The following RGS19 variants were observed in gnomAD, a reference collection of about 807,000 sequenced individuals.
RGS19 encodes the protein regulator of G protein signaling 19, also known as G alpha interacting protein.
In RGS19, 9 loss-of-function variants were observed where a neutral mutation model predicts 22.0. That is an observed-to-expected ratio of 0.41 (90% CI 0.25 to 0.71). The LOEUF (loss-of-function observed/expected upper bound fraction) is 0.71. Ranked by LOEUF, RGS19 falls within the 30% of genes least tolerant of loss-of-function variation. RGS19 has a pLI of 0.32. For missense variants in RGS19, 256 were observed against 307.1 expected (o/e 0.83, Z 1.24); for synonymous variants, 130 against 127.3 (o/e 1.02, Z -0.14).
chr20:64,073,725 G>A lies in RGS19; in HGVS notation c.*128C>T, dbSNP rs2059875063. 1.2e-6 allele frequency: 1 copy of A among 803,156 alleles called. No homozygotes were observed. The highest frequency in any genetic ancestry group is 1.8e-5 in the South Asian group (1 of 56,730). The allele number at this position is 803,156 out of a possible 1,614,324, so 49.8% of individuals were successfully genotyped here. ...ACACAGCACTCCCCACTGGGTCTAGGACCGTCTCCGCGGGTGGGGACCCCA... is the reference window on the plus strand; with the variant it reads ...ACACAGCACTCCCCACTGGGTCTAGAACCGTCTCCGCGGGTGGGGACCCCA... On this transcript the variant is annotated 3_prime_UTR_variant, in exon 6 of 6. Transcript: ENST00000395042.
Position 64,076,030 on chromosome 20 carries a change from C to T in RGS19, c.152+495G>A, listed in dbSNP as rs138400836. ...CCGAGTAGCTGGGATTACAGGCATG[C>T]GCCACCACGCCTGGCTAATTTTGTA... On this transcript the variant is annotated intron_variant, in intron 3 of 5. Transcript: ENST00000395042. Among the ~76,000 whole-genome samples, 890 of 152,264 alleles carry T rather than the reference C, an allele frequency of 5.8e-3. 25 individuals carry two copies. The East Asian group carries it at 0.06, about 10-fold the overall frequency.
upstream of RGS19, chr20:64,079,938 C>A (rs1441693165): frequency 4.1e-5 from 6 of 147,880 alleles, no homozygotes; most frequent in Admixed American, 2.7e-4. This position sits in a 1 kb window ranked among gnomAD's most constrained non-coding sequence, Gnocchi z 5.1. Flanking sequence ...GCCCGACAGT[C>A]GGGGAGGGGG....
At chr20:64,074,441 C>T (rs372740549) in intron 4 of RGS19, 26 bp downstream of exon 4, 27 of 1,577,958 alleles carry the variant, frequency 1.7e-5, no homozygotes, top group Admixed American at 1.3e-4. Context: ...CCCCCCAGCA[C>T]GCACACACCA....
chr20:64,076,522 C>T lies in RGS19; in HGVS notation c.152+3G>A, dbSNP rs776547344. On this transcript the variant is annotated splice_donor_region_variant and intron_variant, in intron 3 of 5. Coordinates refer to ENST00000395042, the MANE Select transcript of RGS19 (RefSeq NM_005873.3). ...CCAGCTGGGCACCCCAGGCCCTACTCACCAGGAGCAGCTACAGCAGCAGCA... is the reference window on the plus strand; with the variant it reads ...CCAGCTGGGCACCCCAGGCCCTACTTACCAGGAGCAGCTACAGCAGCAGCA... The T allele has an allele frequency of 6.2e-7, 1 of 1,612,862 alleles. No individual in the cohort carries two copies. Among genetic ancestry groups the T allele is most frequent in the Non-Finnish European group, 8.5e-7 (1 of 1,179,898 alleles).
Position 64,079,457 on chromosome 20 carries a change from G to A in RGS19, c.-232C>T, listed in dbSNP as rs1288368615. 2 of 151,754 alleles carry A rather than the reference G, an allele frequency of 1.3e-5. No individual in the cohort carries two copies. Among genetic ancestry groups the A allele is most frequent in the South Asian group, 2.1e-4 (1 of 4,818 alleles). The allele number at this position is 151,754 out of a possible 1,614,324, so 9.4% of individuals were successfully genotyped here. On this transcript the variant is annotated 5_prime_UTR_variant, in exon 1 of 6. Transcript: ENST00000395042. The surrounding 1 kb of genome is among the most constrained non-coding windows in gnomAD (Gnocchi z 5.1). ...AGGCTAGCGCCAGGAGCCCCCGATC[G>A]GCTGGGGCCGGGGGCGCAGCGCCTC...
intron 3 of RGS19, 148 bp downstream of exon 3, chr20:64,076,377 C>A (rs967611122): frequency 1.1e-4 from 145 of 1,263,146 alleles, no homozygotes; most frequent in Non-Finnish European, 1.5e-4. Flanking sequence ...CAGGGCCCAA[C>A]AGACCCTGGA....
Position 64,075,466 on chromosome 20 carries a change from C to T in RGS19, c.153-925G>A, listed in dbSNP as rs987433907. 4.6e-5 allele frequency among the ~76,000 whole-genome samples: 7 copies of T among 152,222 alleles called. No homozygotes were observed. The highest frequency in any genetic ancestry group is 9.6e-5 in the African/African-American group (4 of 41,464). On this transcript the variant is annotated intron_variant, in intron 3 of 5. Transcript: ENST00000395042. This position sits in a 1 kb window ranked among gnomAD's most constrained non-coding sequence, Gnocchi z 4.6. ...GGCTGGCAGACATCGTGCACCCAAA[C>T]GTCCTGACAGAACTAGGCCCCTGGG...
Position 64,074,039 on chromosome 20 carries a change from G to C in RGS19, c.468C>G (p.Ser156Arg). 6.2e-7 allele frequency: 1 copy of C among 1,611,754 alleles called. No homozygotes were observed. The highest frequency in any genetic ancestry group is 8.5e-7 in the Non-Finnish European group (1 of 1,178,526). Residue 156 changes from serine (S) to arginine (R), a missense_variant, in exon 6 of 6, where the codon AGC (serine) becomes AGG (arginine). Physicochemically the swap from Ser to Arg is moderately radical, Grantham distance 110. Coordinates refer to ENST00000395042, the MANE Select transcript of RGS19 (RefSeq NM_005873.3). ...YVSILSPKEV[S>R]LDSRVREGIN... ...TGCCCTCCCGCACACGGGAGTCCAG[G>C]CTCACCTGCAGGACAAGACACTGAG...
At chr20:64,077,618 G>C (rs990267506) in intron 1 of RGS19, among the ~76,000 whole-genome samples, 7 of 152,310 alleles carry the variant, frequency 4.6e-5, no homozygotes, top group Admixed American at 2.0e-4. Flanking sequence ...ACTGCCTCTA[G>C]GCTGTGAAAC....
At chr20:64,076,200 C>T (rs774032172) in intron 3 of RGS19, among the ~76,000 whole-genome samples, 15 of 152,244 alleles carry the variant, frequency 9.9e-5, no homozygotes, top group Admixed American at 2.0e-4. Context: ...CTTACTCCAC[C>T]GCAGGCCCCC....
intron 3 of RGS19, among the ~76,000 whole-genome samples, chr20:64,074,810 C>T (rs755436553): frequency 9.2e-5 from 14 of 152,254 alleles, no homozygotes; most frequent in South Asian, 2.1e-4. Context: ...CAGACTCTGC[C>T]GTCTTCCATT....
Position 64,074,304 on chromosome 20 carries a change from C to T in RGS19, c.302G>A (p.Arg101His), listed in dbSNP as rs764804013. 8 of 1,612,918 alleles carry T rather than the reference C, an allele frequency of 5.0e-6. No individual in the cohort carries two copies. The highest frequency in any genetic ancestry group is 4.5e-5 in the East Asian group (2 of 44,886). Residue 101 changes from arginine (R) to histidine (H), a missense_variant, in exon 5 of 6, where the codon CGC (arginine) becomes CAC (histidine). Transcript: ENST00000395042. ...CCGCAGGAACGCCCGGAACACGCTG[C>T]GTCCCGCTGGGCTGTGCATCAGCTT... ...FDKLMHSPAGRSVFRAFLRTE... is the reference protein window; with the variant it reads ...FDKLMHSPAGHSVFRAFLRTE...
At position 64,074,605 on chromosome 20, in the gene RGS19, C is replaced by T. The variant is rs188774145; in HGVS notation, c.153-64G>A. 89 of 1,456,168 alleles carry T rather than the reference C, an allele frequency of 6.1e-5. No individual in the cohort carries two copies. In the Admixed American group the frequency reaches 1.3e-3, roughly 21 times the overall value. The allele number at this position is 1,456,168 out of a possible 1,614,324, so 90.2% of individuals were successfully genotyped here. A position where few individuals can be genotyped will look rare whatever the true frequency, so the allele number is the denominator to read the frequency against. On this transcript the variant is annotated intron_variant, in intron 3 of 5. Coordinates refer to ENST00000395042, the MANE Select transcript of RGS19 (RefSeq NM_005873.3). ...ACGCCTCCACGGCCACACAGGCCCT[C>T]AGCACATGGGCAGGCACCTGACACA...
In RGS19 at chr20:64,073,803, A is replaced by C; in HGVS notation, c.*50T>G. 6.7e-7 allele frequency: 1 copy of C among 1,498,954 alleles called. No individual in the cohort carries two copies. Among genetic ancestry groups the C allele is most frequent in the Non-Finnish European group, 9.1e-7 (1 of 1,103,582 alleles). 92.9% of individuals were successfully genotyped at this position (1,498,954 alleles called of 1,614,324 possible). The stretch of plus-strand genomic sequence containing the variant: ...CTGCCGACAACAACACCTGAAGGGA[A>C]CCCAGAGTCGGCCGTAGGAGGCGGC... On this transcript the variant is annotated 3_prime_UTR_variant, in exon 6 of 6. Coordinates refer to ENST00000395042, the MANE Select transcript of RGS19 (RefSeq NM_005873.3).
intron 3 of RGS19, among the ~76,000 whole-genome samples, chr20:64,076,291 C>T (rs1037651623): frequency 2.4e-4 from 36 of 152,240 alleles, no homozygotes; most frequent in African/African-American, 7.0e-4. Context: ...ACACAGCACA[C>T]GGACACACCC....
At position 64,073,897 on chromosome 20, in the gene RGS19, C is replaced by T. The variant is rs569130866; in HGVS notation, c.610G>A (p.Ala204Thr). 113 of 1,613,452 alleles carry T rather than the reference C, an allele frequency of 7.0e-5. 2 individuals carry two copies. In the South Asian group the frequency reaches 1.2e-3, roughly 17 times the overall value. ...PRFLSSPTYR[A>T]LLLQGPSQSS... is the part of the protein sequence containing the mutation. ...TGTGATGGCCCCTGCAGCAGCAGGGCACGGTAGGTGGGAGAGCTGAGGAAG... is the reference window on the plus strand; with the variant it reads ...TGTGATGGCCCCTGCAGCAGCAGGGTACGGTAGGTGGGAGAGCTGAGGAAG... Residue 204 changes from alanine to threonine, a missense_variant, in exon 6 of 6, where the codon GCC becomes ACC. Ala to Thr is a moderately conservative substitution (Grantham distance 58). Transcript: ENST00000395042.
Position 64,076,621 on chromosome 20 carries a change from C to T in RGS19, c.56G>A (p.Arg19Gln), listed in dbSNP as rs201934172. ...ATCATGACTGGACATTGAAGGGGGC[C>T]GGTCCGCCTCCTCTGGCCCTGTGAT... ...KQITGPEEAD[R>Q]PPSMSSHDTA... is the part of the protein sequence containing the mutation. The change falls in exon 3 of 6, where the codon CGG becomes CAG. Residue 19 changes from arginine to glutamine, a missense_variant. Transcript: ENST00000395042. 70 of 1,608,076 alleles carry T rather than the reference C, an allele frequency of 4.4e-5. No homozygotes were observed. The highest frequency in any genetic ancestry group is 1.6e-4 in the East Asian group (7 of 44,844).
intron 5 of RGS19, 39 bp from the exon 6 acceptor site, chr20:64,074,083 T>G: frequency 6.2e-7 from 1 of 1,602,824 alleles, no homozygotes; most frequent in African/African-American, 1.3e-5. Flanking sequence ...GTGCGGGAGC[T>G]GCCTTCCCCA....
chr20:64,077,883 G>A (rs570964798), intron 1 of RGS19, among the ~76,000 whole-genome samples: 2 of 152,126 alleles, frequency 1.3e-5, no homozygotes, highest in African/African-American at 4.8e-5. Context: ...GGTACAGGGG[G>A]GCCAATCAGT....
Sources: gnomAD v4.1 joint callset for allele counts (sites outside exome capture counted in the v4.1 genomes callset) on GRCh38, gnomAD v4.1.1 for gene constraint, Gnocchi (gnomAD v3.1) non-coding constraint, MANE v1.5 for transcripts, NCBI Gene and HGNC (gene_info 2026-07-23, HGNC 2026-07-21) for gene names.